GLRX3: variants seen among roughly 807,000 people sequenced by gnomAD.
The protein encoded by GLRX3 is glutaredoxin-3.
A neutral mutation model predicts 49.5 loss-of-function variants in GLRX3; 22 were observed. The observed-to-expected ratio is 0.44, with a 90% confidence interval of 0.32 to 0.63. The LOEUF (loss-of-function observed/expected upper bound fraction) is 0.63, where lower values mean the gene tolerates loss of function less well. Among genes scored for constraint, GLRX3 ranks in the 30% least tolerant of loss-of-function variants. GLRX3 has a pLI of 0.05. For synonymous variants in GLRX3, 133 were observed against 140.0 expected (o/e 0.95, Z 0.35); for missense variants, 385 against 396.3 (o/e 0.97, Z 0.24).
chr10:130,156,009 G>A (rs1237065686), intron 2 of GLRX3, among the ~76,000 whole-genome samples: 1 of 152,216 alleles, frequency 6.6e-6, no homozygotes, highest in Admixed American at 6.5e-5. Context: ...AGTGGAACAT[G>A]GTGTAGGGAG....
intron 3 of GLRX3, 119 bp from the exon 4 acceptor site, chr10:130,160,677 C>T (rs559283964): frequency 3.2e-5 from 21 of 646,576 alleles, no homozygotes; most frequent in South Asian, 3.0e-4. Flanking sequence ...AGGCAATTGG[C>T]AATGAGGGTT....
intron 10 of GLRX3, among the ~76,000 whole-genome samples, chr10:130,177,427 C>T (rs758666814): frequency 3.3e-5 from 5 of 152,164 alleles, no homozygotes; most frequent in African/African-American, 9.7e-5. Context: ...GCGAGGACTG[C>T]CTTATTTGGC....
intron 2 of GLRX3, among the ~76,000 whole-genome samples, chr10:130,158,002 C>T (rs58707148): frequency 0.037 from 5,604 of 152,180 alleles, 192 homozygotes; most frequent in East Asian, 0.1. Context: ...AACTCTTTTG[C>T]CTTAAATGAT....
At chr10:130,171,692 G>T in intron 8 of GLRX3, 56 bp downstream of exon 8, 1 of 927,478 alleles carries the variant, frequency 1.1e-6, no homozygotes. Context: ...CTGGCCAGGC[G>T]TAGTGGCTCA....
At chr10:130,153,909 G>A (rs1564991549) in intron 2 of GLRX3, among the ~76,000 whole-genome samples, 1 of 152,204 alleles carries the variant, frequency 6.6e-6, no homozygotes, top group Non-Finnish European at 1.5e-5. Context: ...GTGGAATCTA[G>A]AGAGGCAGCA....
At position 130,160,951 on chromosome 10, in the gene GLRX3, C is replaced by T. The variant is rs1218973226; in HGVS notation, c.432C>T (p.Ala144=). The change falls in exon 4 of 11, where the codon GCC becomes GCT. Residue 144 remains alanine (A), a synonymous_variant. Coordinates refer to ENST00000331244, the MANE Select transcript of GLRX3 (RefSeq NM_006541.5). The part of the protein sequence containing the change: ...NLRLKKLTHA[A]PCMLFMKGTP... Reference sequence around the variant, plus strand: ...GCTTGAAGAAATTGACTCATGCTGCCCCCTGCATGCTGTTTATGAAAGGAA... The same window carrying T: ...GCTTGAAGAAATTGACTCATGCTGCTCCCTGCATGCTGTTTATGAAAGGAA... 6 of 1,613,594 alleles carry T rather than the reference C, an allele frequency of 3.7e-6. No homozygotes were observed. The highest frequency in any genetic ancestry group is 5.1e-6 in the Non-Finnish European group (6 of 1,179,752).
intron 1 of GLRX3, among the ~76,000 whole-genome samples, chr10:130,141,372 A>T (rs1376236242): frequency 1.3e-5 from 2 of 152,220 alleles, no homozygotes; most frequent in Non-Finnish European, 2.9e-5. Flanking sequence ...AAATTGAAGT[A>T]TTACATACAG....
chr10:130,152,341 G>A lies in GLRX3; in HGVS notation c.201+7022G>A, dbSNP rs183178823. Among the ~76,000 whole-genome samples, 50 of 152,256 alleles carry A rather than the reference G, an allele frequency of 3.3e-4. No individual in the cohort carries two copies. The East Asian group carries it at 7.5e-3, about 23-fold the overall frequency. On this transcript the variant is annotated intron_variant, in intron 2 of 10. Coordinates refer to ENST00000331244, the MANE Select transcript of GLRX3 (RefSeq NM_006541.5). ...GTCTGTTACATGTGAATTTGATTCTGTCATTATGATGCTAACTGGTAATTT... is the reference window on the plus strand; with the variant it reads ...GTCTGTTACATGTGAATTTGATTCTATCATTATGATGCTAACTGGTAATTT...
chr10:130,158,464 C>A (rs908681258), intron 2 of GLRX3, among the ~76,000 whole-genome samples: 4 of 152,084 alleles, frequency 2.6e-5, no homozygotes, highest in African/African-American at 9.7e-5. Context: ...ATCACATTAC[C>A]TTATTTCTAC....
At chr10:130,144,889 C>T (rs902618088) in intron 1 of GLRX3, among the ~76,000 whole-genome samples, 2 of 152,210 alleles carry the variant, frequency 1.3e-5, no homozygotes, top group African/African-American at 2.4e-5. Flanking sequence ...GCCACACTGT[C>T]TTCCACAATG....
chr10:130,173,936 G>GT (rs923219313), intron 8 of GLRX3, among the ~76,000 whole-genome samples: 2 of 151,930 alleles, frequency 1.3e-5, no homozygotes, highest in African/African-American at 2.4e-5. Flanking sequence ...GGAAAGTCCA[G>GT]TTTTTTTTAC....
In GLRX3 at chr10:130,168,377, G is replaced by T. The variant is rs140738234; in HGVS notation, c.714-1056G>T. 7.1e-3 allele frequency among the ~76,000 whole-genome samples: 1,084 copies of T among 152,276 alleles called. 6 individuals carry two copies. Among genetic ancestry groups the T allele is most frequent in the South Asian group, 0.017 (84 of 4,824 alleles). On this transcript the variant is annotated intron_variant, in intron 6 of 10. Coordinates refer to ENST00000331244, the MANE Select transcript of GLRX3 (RefSeq NM_006541.5). The stretch of plus-strand genomic sequence containing the variant: ...GAACTTGAGCTAATCCCACTCGGTT[G>T]GCAATGTAAGTGATACAGCTTTGTG...
intron 1 of GLRX3, among the ~76,000 whole-genome samples, chr10:130,141,584 CT>C (rs1417101540): frequency 6.6e-5 from 10 of 152,158 alleles, no homozygotes; most frequent in African/African-American, 2.2e-4. Flanking sequence ...AGTTCTTTGT[CT>C]GTGTTATCTT....
At chr10:130,176,198 C>T (rs1486416089) in intron 10 of GLRX3, among the ~76,000 whole-genome samples, 4 of 151,502 alleles carry the variant, frequency 2.6e-5, no homozygotes, top group Admixed American at 2.0e-4. Flanking sequence ...CGGCTCACTG[C>T]AGCCTCTGCC....
In GLRX3 at chr10:130,179,631, C is replaced by G. The variant is rs140357542; in HGVS notation, c.*239C>G. ...CAATAATTGTATGAAAAAAGTGTAT[C>G]TTTACAGCAGTATTAAACATACAGC... On this transcript the variant is annotated 3_prime_UTR_variant, in exon 11 of 11. Transcript: ENST00000331244. 339 of 462,866 alleles carry G rather than the reference C, an allele frequency of 7.3e-4. 1 individual carries two copies. The highest frequency in any genetic ancestry group is 6.1e-3 in the African/African-American group (298 of 48,510). 28.7% of individuals were successfully genotyped at this position (462,866 alleles called of 1,614,324 possible).
intron 2 of GLRX3, among the ~76,000 whole-genome samples, chr10:130,151,259 G>A (rs1590061586): frequency 1.3e-5 from 2 of 151,828 alleles, no homozygotes; most frequent in East Asian, 3.9e-4. Flanking sequence ...AAAGACTGTA[G>A]GTTTTTATCT....
chr10:130,164,293 T>C (rs1017077234), intron 4 of GLRX3, among the ~76,000 whole-genome samples: 1 of 152,242 alleles, frequency 6.6e-6, no homozygotes, highest in Non-Finnish European at 1.5e-5. Context: ...CTGAGGTATA[T>C]GTCATCTTAA....
chr10:130,163,154 G>GT (rs1260003776), intron 4 of GLRX3, among the ~76,000 whole-genome samples: 1 of 152,200 alleles, frequency 6.6e-6, no homozygotes, highest in Non-Finnish European at 1.5e-5. Flanking sequence ...GCTGGGCGTG[G>GT]TGGCTCATGC....
rs1021260385 is a variant in GLRX3, at chr10:130,170,078, A to C, written c.771+588A>C. ...TACTTCCACCGATAGTTTGAGCAGA[A>C]CTAATTTTCTTTCAGATTGAGATCA... On this transcript the variant is annotated intron_variant, in intron 7 of 10. Transcript: ENST00000331244. Among the ~76,000 whole-genome samples the C allele has an allele frequency of 1.8e-4, 27 of 152,258 alleles. 1 individual carries two copies. Among genetic ancestry groups the C allele is most frequent in the Non-Finnish European group, 1.5e-5 (1 of 68,042 alleles).
Sources: gnomAD v4.1 joint callset for allele counts (sites outside exome capture counted in the v4.1 genomes callset) on GRCh38, gnomAD v4.1.1 for gene constraint, MANE v1.5 for transcripts, NCBI Gene and HGNC (gene_info 2026-07-23, HGNC 2026-07-21) for gene names.